The following CTNNA2 variants were observed in gnomAD, a reference collection of about 807,000 sequenced individuals.
The protein encoded by CTNNA2 is catenin alpha 2, also known as catenin alpha-2.
In CTNNA2, 42 loss-of-function variants were observed where a neutral mutation model predicts 101.0. The observed-to-expected ratio is 0.42, with a 90% CI of 0.32 to 0.54. The LOEUF (loss-of-function observed/expected upper bound fraction) is 0.54. Among genes scored for constraint, CTNNA2 ranks in the 20% least tolerant of loss-of-function variants. CTNNA2 has a pLI of 0.14. For synonymous variants in CTNNA2, 450 were observed against 456.4 expected (o/e 0.99, Z 0.18); for missense variants, 871 against 1,223.1 (o/e 0.71, Z 4.29).
At chr2:80,441,751 A>T (rs1013109198) in intron 9 of CTNNA2, among the ~76,000 whole-genome samples, 1 of 152,194 alleles carries the variant, frequency 6.6e-6, no homozygotes, top group Non-Finnish European at 1.5e-5. Flanking sequence ...GAGGCCAAGG[A>T]GATGTCAAAG....
intron 13 of CTNNA2, among the ~76,000 whole-genome samples, chr2:80,577,389 C>T (rs964794380): frequency 2.0e-5 from 3 of 152,058 alleles, no homozygotes; most frequent in Non-Finnish European, 2.9e-5. Flanking sequence ...TAAGCCCTAA[C>T]GGTACTCAGG....
chr2:80,507,734 A>T (rs559272677), intron 9 of CTNNA2, among the ~76,000 whole-genome samples: 1 of 152,298 alleles, frequency 6.6e-6, no homozygotes, highest in Admixed American at 6.5e-5. Context: ...TTGCAATAGA[A>T]AATGCTCAAT....
At chr2:79,487,326 A>G (rs75464285) in intron 4 of CTNNA2, among the ~76,000 whole-genome samples, 70 of 152,328 alleles carry the variant, frequency 4.6e-4, no homozygotes, top group African/African-American at 1.7e-3. Context: ...AATTCCGCCA[A>G]TTTGTTTCTT....
chr2:79,477,502 T>A (rs1671063614), intron 4 of CTNNA2, among the ~76,000 whole-genome samples: 1 of 152,128 alleles, frequency 6.6e-6, no homozygotes, highest in Non-Finnish European at 1.5e-5. Flanking sequence ...CTTCTTTACC[T>A]CCCTGATTTC....
chr2:79,808,596 CT>C (rs1294768783), intron 3 of CTNNA2, among the ~76,000 whole-genome samples: 4 of 152,068 alleles, frequency 2.6e-5, no homozygotes, highest in Admixed American at 2.6e-4. Context: ...ATTCTCTATT[CT>C]TTTATGAATC....
At chr2:80,190,144 T>C (rs1180358053) in intron 7 of CTNNA2, among the ~76,000 whole-genome samples, 1 of 151,912 alleles carries the variant, frequency 6.6e-6, no homozygotes, top group East Asian at 2.0e-4. Context: ...TTAATGAGGT[T>C]AACCCCTATT....
At chr2:80,301,667 C>A (rs933786144) in intron 7 of CTNNA2, among the ~76,000 whole-genome samples, 1 of 152,094 alleles carries the variant, frequency 6.6e-6, no homozygotes, top group African/African-American at 2.4e-5. Context: ...TTTTTCTAGT[C>A]CTTACACATG....
At chr2:79,819,041 A>G (rs1677801708) in intron 3 of CTNNA2, among the ~76,000 whole-genome samples, 1 of 146,080 alleles carries the variant, frequency 6.8e-6, no homozygotes, top group Admixed American at 6.9e-5. Context: ...GTGTAGTGGT[A>G]TGATCTCGGT....
chr2:80,054,607 C>T (rs972394286), intron 7 of CTNNA2, among the ~76,000 whole-genome samples: 1 of 152,130 alleles, frequency 6.6e-6, no homozygotes. Flanking sequence ...CACCTCTCCA[C>T]CCCTTAGGCA....
At chr2:79,387,696 C>A (rs1678120139) in intron 4 of CTNNA2, among the ~76,000 whole-genome samples, 1 of 152,012 alleles carries the variant, frequency 6.6e-6, no homozygotes, top group African/African-American at 2.4e-5. Flanking sequence ...GGAACTCTAT[C>A]CAAAGAAAGC....
intron 7 of CTNNA2, among the ~76,000 whole-genome samples, chr2:79,994,445 A>G (rs1692400504): frequency 6.6e-6 from 1 of 152,104 alleles, no homozygotes; most frequent in Non-Finnish European, 1.5e-5. Context: ...TATCACCTTC[A>G]GAGAGTGGCT....
At chr2:80,150,501 T>A (rs1207163367) in intron 7 of CTNNA2, among the ~76,000 whole-genome samples, 6 of 152,202 alleles carry the variant, frequency 3.9e-5, no homozygotes, top group African/African-American at 1.4e-4. Flanking sequence ...AAGCCTGGAA[T>A]ACCACACCAA....
intron 7 of CTNNA2, among the ~76,000 whole-genome samples, chr2:80,072,635 A>G (rs564182077): frequency 1.3e-5 from 2 of 152,140 alleles, no homozygotes; most frequent in South Asian, 2.1e-4. Context: ...CCACCCATCC[A>G]CTATTCCAAT....
intron 7 of CTNNA2, among the ~76,000 whole-genome samples, chr2:80,372,914 G>C (rs1675584961): frequency 6.6e-6 from 1 of 152,166 alleles, no homozygotes; most frequent in Admixed American, 6.5e-5. Context: ...AATCTAATTA[G>C]CAGAGACCAG....
intron 2 of CTNNA2, among the ~76,000 whole-genome samples, chr2:79,657,568 A>G (rs1681703508): frequency 6.6e-6 from 1 of 151,828 alleles, no homozygotes; most frequent in Non-Finnish European, 1.5e-5. Flanking sequence ...AACATTAATC[A>G]TTTTTTAGAG....
intron 7 of CTNNA2, among the ~76,000 whole-genome samples, chr2:80,353,996 A>C (rs1673549092): frequency 6.6e-6 from 1 of 152,128 alleles, no homozygotes; most frequent in African/African-American, 2.4e-5. Flanking sequence ...TAATACAGCC[A>C]AAGGAGGGAG....
At chr2:80,088,827 C>T (rs757576415) in intron 7 of CTNNA2, among the ~76,000 whole-genome samples, 1 of 151,954 alleles carries the variant, frequency 6.6e-6, no homozygotes, top group Non-Finnish European at 1.5e-5. Flanking sequence ...TTTGAAAGAC[C>T]CTGAGACTTT....
chr2:80,096,402 C>T (rs1225505318), intron 7 of CTNNA2, among the ~76,000 whole-genome samples: 1 of 152,114 alleles, frequency 6.6e-6, no homozygotes, highest in Non-Finnish European at 1.5e-5. Context: ...TTTACATTTG[C>T]TGAGGAGTGC....
At chr2:80,104,220 C>G (rs534673788) in intron 7 of CTNNA2, among the ~76,000 whole-genome samples, 1 of 152,316 alleles carries the variant, frequency 6.6e-6, no homozygotes, top group Admixed American at 6.5e-5. Flanking sequence ...GTTCTCCACT[C>G]GAATCCTGCC....
Sources: gnomAD v4.1 joint callset for allele counts (sites outside exome capture counted in the v4.1 genomes callset) on GRCh38, gnomAD v4.1.1 for gene constraint, MANE v1.5 for transcripts, NCBI Gene and HGNC (gene_info 2026-07-23, HGNC 2026-07-21) for gene names.